The following CCDC179 variants were observed in gnomAD, a reference collection of about 807,000 sequenced individuals.
CCDC179 encodes coiled-coil domain-containing protein 179.
Under a neutral mutation model 12.0 loss-of-function variants are expected in CCDC179, and 17 were observed. The ratio of observed to expected loss-of-function variants is 1.42; its 90% CI spans 0.97 to 2.13. CCDC179 has a LOEUF of 2.13. Ranked by LOEUF, CCDC179 falls within the 30% of genes most tolerant of loss-of-function variation. CCDC179 has a pLI of 0.00. For synonymous variants in CCDC179, 27 were observed against 26.4 expected, an observed-to-expected ratio of 1.02 and a Z score of -0.07; for missense variants, 83 against 78.6, an observed-to-expected ratio of 1.06 and a Z score of -0.21.
Position 22,857,988 on chromosome 11 carries a change from C to T in CCDC179, c.129G>A (p.Lys43=), listed in dbSNP as rs1285366444. The change falls in exon 3 of 4, where the codon AAG becomes AAA. Residue 43 remains lysine, a synonymous_variant. Coordinates refer to ENST00000532798, the MANE Select transcript of CCDC179 (RefSeq NM_001195637.2). ...NKRIQNMQHL[K]KEKRRLNKRF... ...TTTTATTCAGTCTCCTCTTCTCTTT[C>T]TTTAGGTGTTGCATATTCTGAATAC... 3 of 1,526,218 alleles carry T rather than the reference C, an allele frequency of 2.0e-6. No homozygotes were observed. Among genetic ancestry groups the T allele is most frequent in the Non-Finnish European group, 2.6e-6 (3 of 1,143,068 alleles). The allele number at this position is 1,526,218 out of a possible 1,614,324, so 94.5% of individuals were successfully genotyped here. A position where few individuals can be genotyped will look rare whatever the true frequency, so the allele number is the denominator to read the frequency against.
intron 2 of CCDC179, 137 bp from the exon 3 acceptor site, chr11:22,858,163 A>C: frequency 1.9e-6 from 1 of 523,514 alleles, no homozygotes; most frequent in Non-Finnish European, 3.3e-6. Context: ...ACTACATAGA[A>C]ATAGGGCGAA....
intron 3 of CCDC179, among the ~76,000 whole-genome samples, chr11:22,851,226 A>T (rs1858395880): frequency 6.6e-6 from 1 of 151,632 alleles, no homozygotes; most frequent in South Asian, 2.1e-4. Flanking sequence ...TGTATAGTTG[A>T]TGGTCCTGGG....
At chr11:22,857,785 G>A in intron 3 of CCDC179, 137 bp downstream of exon 3, 1 of 466,122 alleles carries the variant, frequency 2.1e-6, no homozygotes. Flanking sequence ...GATGAGATAA[G>A]ACTTTTAAGA....
chr11:22,857,202 GA>G (rs1319655222), intron 3 of CCDC179, among the ~76,000 whole-genome samples: 1 of 151,562 alleles, frequency 6.6e-6, no homozygotes, highest in Non-Finnish European at 1.5e-5. Flanking sequence ...AAAAGTTCCA[GA>G]AAAGCCAACA....
intron 3 of CCDC179, among the ~76,000 whole-genome samples, chr11:22,849,584 G>C (rs572708732): frequency 6.6e-6 from 1 of 152,182 alleles, no homozygotes; most frequent in Non-Finnish European, 1.5e-5. Context: ...GTTTTTTAGT[G>C]GTGATTTCCG....
intron 2 of CCDC179, 103 bp from the exon 3 acceptor site, chr11:22,858,129 C>A (rs1858570118): frequency 1.6e-6 from 1 of 610,062 alleles, no homozygotes; most frequent in South Asian, 2.5e-5. Context: ...AAGGTAAACA[C>A]CACCACTGCA....
intron 3 of CCDC179, among the ~76,000 whole-genome samples, chr11:22,855,138 T>C (rs904594180): frequency 2.0e-5 from 3 of 151,710 alleles, no homozygotes; most frequent in African/African-American, 4.8e-5. Flanking sequence ...CTAACAGTAA[T>C]TGACAGATCT....
At chr11:22,858,874 T>C (rs1189693691) in intron 2 of CCDC179, among the ~76,000 whole-genome samples, 1 of 151,994 alleles carries the variant, frequency 6.6e-6, no homozygotes, top group Non-Finnish European at 1.5e-5. Context: ...CATGACAAAA[T>C]ATTGAACAGC....
intron 3 of CCDC179, among the ~76,000 whole-genome samples, chr11:22,849,178 G>T (rs1858310395): frequency 6.6e-6 from 1 of 152,106 alleles, no homozygotes; most frequent in African/African-American, 2.4e-5. Flanking sequence ...GCTCCTCAAT[G>T]TGCTTTCTTG....
At chr11:22,850,958 A>T (rs529391121) in intron 3 of CCDC179, among the ~76,000 whole-genome samples, 76 of 6,512 alleles carry the variant, frequency 0.012, 7 homozygotes, top group Non-Finnish European at 0.032. Flanking sequence ...ATATATATAT[A>T]TATATATATA....
chr11:22,853,866 A>C (rs987004056), intron 3 of CCDC179, among the ~76,000 whole-genome samples: 4 of 152,052 alleles, frequency 2.6e-5, no homozygotes, highest in Non-Finnish European at 5.9e-5. Flanking sequence ...TAAACACCAG[A>C]TAAATGTCTA....
intron 3 of CCDC179, among the ~76,000 whole-genome samples, chr11:22,853,802 T>G (rs113756347): frequency 0.014 from 2,192 of 151,984 alleles, 45 homozygotes; most frequent in African/African-American, 0.05. Flanking sequence ...CTTCTAAAGT[T>G]AATGATAGAC....
chr11:22,858,899 A>G (rs1162546617), intron 2 of CCDC179, among the ~76,000 whole-genome samples: 1 of 152,128 alleles, frequency 6.6e-6, no homozygotes, highest in Non-Finnish European at 1.5e-5. Flanking sequence ...AAAATAAAGA[A>G]ACTATATACA....
intron 3 of CCDC179, among the ~76,000 whole-genome samples, chr11:22,855,021 GTGTT>G (rs1858501307): frequency 2.0e-5 from 3 of 151,696 alleles, no homozygotes; most frequent in Non-Finnish European, 1.5e-5. Context: ...AATCCTTAAT[GTGTT>G]TGTTCCTAAC....
intron 3 of CCDC179, among the ~76,000 whole-genome samples, chr11:22,855,092 C>A (rs539377061): frequency 6.6e-6 from 1 of 151,582 alleles, no homozygotes; most frequent in African/African-American, 2.4e-5. Context: ...AAGAAATAGA[C>A]AAATCTGCTA....
chr11:22,847,525 G>C lies in CCDC179; in HGVS notation c.196-4C>G, dbSNP rs756534293. The C allele has an allele frequency of 2.9e-6, 4 of 1,399,684 alleles. No individual in the cohort carries two copies. The South Asian group carries it at 6.2e-5, about 22-fold the overall frequency. 86.7% of individuals were successfully genotyped at this position (1,399,684 alleles called of 1,614,324 possible). A position where few individuals can be genotyped will look rare whatever the true frequency, so the allele number is the denominator to read the frequency against. On this transcript the variant is annotated splice_polypyrimidine_tract_variant and splice_region_variant and intron_variant, in intron 3 of 3. Transcript: ENST00000532798. Reference sequence around the variant, plus strand: ...TCCTGCTTTATCAAGATGACCACTAGACAAGATTAAAATACACAAAGAATA... The same window carrying C: ...TCCTGCTTTATCAAGATGACCACTACACAAGATTAAAATACACAAAGAATA...
intron 3 of CCDC179, among the ~76,000 whole-genome samples, chr11:22,850,204 C>G (rs533319766): frequency 8.5e-5 from 13 of 152,292 alleles, no homozygotes; most frequent in Admixed American, 2.6e-4. Context: ...ATGTCTGCAG[C>G]TCGATTTTAT....
rs1434382544 is a variant in CCDC179, at chr11:22,859,409, A to G, written c.90+43T>C. 2.1e-5 allele frequency: 29 copies of G among 1,363,180 alleles called. No homozygotes were observed. The East Asian group carries it at 6.0e-4, about 28-fold the overall frequency. 84.4% of individuals were successfully genotyped at this position (1,363,180 alleles called of 1,614,324 possible). A position where few individuals can be genotyped will look rare whatever the true frequency, so the allele number is the denominator to read the frequency against. On this transcript the variant is annotated intron_variant, in intron 2 of 3. Coordinates refer to ENST00000532798, the MANE Select transcript of CCDC179 (RefSeq NM_001195637.2). ...ACATAAAGGAACAAGTTACAAGCAC[A>G]ATGTTTAAACAACCAGAACCTAGTT... is the stretch of plus-strand genomic sequence containing the variant.
intron 3 of CCDC179, among the ~76,000 whole-genome samples, chr11:22,856,728 C>T (rs568472863): frequency 6.6e-6 from 1 of 151,590 alleles, no homozygotes; most frequent in African/African-American, 2.4e-5. Flanking sequence ...TCTGTGTCTT[C>T]GTTCACAGAC....
Sources: allele counts gnomAD v4.1 joint callset (sites outside exome capture counted in the v4.1 genomes callset), GRCh38; gene constraint gnomAD v4.1.1; transcripts MANE v1.5; gene names NCBI Gene and HGNC (gene_info 2026-07-23, HGNC 2026-07-21).